The following ATP2B4 variants were observed in gnomAD, a reference collection of about 807,000 sequenced individuals.
The protein encoded by ATP2B4 is ATPase plasma membrane Ca2+ transporting 4, also known as plasma membrane calcium-transporting ATPase 4.
A neutral mutation model predicts 110.3 loss-of-function variants in ATP2B4; 39 were observed. The ratio of observed to expected loss-of-function variants is 0.35; its 90% CI spans 0.27 to 0.46. The LOEUF (loss-of-function observed/expected upper bound fraction) is 0.46, where lower values mean the gene tolerates loss of function less well. ATP2B4 is among the 20% of genes least tolerant of loss of function. The probability of loss-of-function intolerance (pLI) is 1.00; values close to 1 mark genes in which losing one functional copy is unlikely to be tolerated. For missense variants in ATP2B4, 1,135 were observed against 1,530.9 expected (o/e 0.74, Z 4.32); for synonymous variants, 538 against 571.7 (o/e 0.94, Z 0.84).
Position 203,629,045 on chromosome 1 carries a change from C to CA in ATP2B4, c.-465+1827dup, listed in dbSNP as rs1227403122. ...GGGCTTGGAGGAGTGGTAAAGGCTA[C>CA]AGCTGAGACACTGCGGGAGAAGGAA... On this transcript the variant is annotated intron_variant, in intron 1 of 20. Transcript: ENST00000357681. The surrounding 1 kb of genome is among the most constrained non-coding windows in gnomAD (Gnocchi z 4.6). Among the ~76,000 whole-genome samples the CA allele has an allele frequency of 2.0e-5, 3 of 152,124 alleles. No homozygotes were observed. The highest frequency in any genetic ancestry group is 7.2e-5 in the African/African-American group (3 of 41,426).
chr1:203,673,524 G>A (rs951496704), intron 1 of ATP2B4, among the ~76,000 whole-genome samples: 8 of 152,300 alleles, frequency 5.3e-5, no homozygotes, highest in African/African-American at 1.9e-4. Flanking sequence ...TGGAGCCCTC[G>A]CTGATTTGCC....
intron 15 of ATP2B4, among the ~76,000 whole-genome samples, chr1:203,716,809 G>C (rs150170087): frequency 5.5e-5 from 8 of 145,226 alleles, no homozygotes; most frequent in African/African-American, 2.0e-4. Context: ...CAAGTAGTTG[G>C]TTCTAGAAGT....
rs1012046520 is a variant in ATP2B4, at chr1:203,657,401, T to C, written c.-464-25341T>C. 123 of 753,716 alleles carry C rather than the reference T, an allele frequency of 1.6e-4. No homozygotes were observed. The African/African-American group carries it at 2.0e-3, about 12-fold the overall frequency. 46.7% of individuals were successfully genotyped at this position (753,716 alleles called of 1,614,324 possible). A position where few individuals can be genotyped will look rare whatever the true frequency, so the allele number is the denominator to read the frequency against. ...CTTTAGTCAGAGGGACTTCCCGTTT[T>C]CCCACCTTCTCTTTTCATTTCTGTT... On this transcript the variant is annotated intron_variant, in intron 1 of 20. Transcript: ENST00000357681.
At position 203,695,146 on chromosome 1, in the gene ATP2B4, G is replaced by C. The variant is rs143289504; in HGVS notation, c.194-3011G>C. Among the ~76,000 whole-genome samples, 14 of 152,224 alleles carry C rather than the reference G, an allele frequency of 9.2e-5. No homozygotes were observed. The East Asian group carries it at 1.2e-3, about 13-fold the overall frequency. Reference sequence around the variant, plus strand: ...ACTAAACCTTGGTAAGAAGGAAAGGGCATCTACTCCCTTTACATTGTGAAT... The same window carrying C: ...ACTAAACCTTGGTAAGAAGGAAAGGCCATCTACTCCCTTTACATTGTGAAT... On this transcript the variant is annotated intron_variant, in intron 2 of 20. Coordinates refer to ENST00000357681, the MANE Select transcript of ATP2B4 (RefSeq NM_001684.5).
chr1:203,658,300 G>T (rs1490480652), intron 1 of ATP2B4, among the ~76,000 whole-genome samples: 2 of 151,330 alleles, frequency 1.3e-5, no homozygotes, highest in Non-Finnish European at 2.9e-5. Context: ...AAGATGAAAG[G>T]ATCTTTTGAG....
chr1:203,644,438 G>A (rs1379773010), intron 1 of ATP2B4, among the ~76,000 whole-genome samples: 1 of 152,244 alleles, frequency 6.6e-6, no homozygotes, highest in South Asian at 2.1e-4. Flanking sequence ...AGGCAGGGTG[G>A]TCTAGAGAAG....
At chr1:203,711,841 C>A in intron 12 of ATP2B4, 119 bp from the exon 13 acceptor site, 1 of 1,139,250 alleles carries the variant, frequency 8.8e-7, no homozygotes, top group Non-Finnish European at 1.3e-6. Context: ...GCCCATGCTG[C>A]ATGGCACCAC....
In ATP2B4 at chr1:203,709,435, G is replaced by A; in HGVS notation, c.1692G>A (p.Lys564=). ...AAGTGCCCGAGGAGAAGCTCTACAA[G>A]GTGTACACCTTTAACTCAGTGCGCA... The part of the protein sequence containing the change: ...RNEVPEEKLY[K]VYTFNSVRKS... The change falls in exon 11 of 21, where the codon AAG becomes AAA. Residue 564 remains lysine (K), a synonymous_variant. Coordinates refer to ENST00000357681, the MANE Select transcript of ATP2B4 (RefSeq NM_001684.5). The A allele has an allele frequency of 6.2e-7, 1 of 1,614,196 alleles. No homozygotes were observed. The highest frequency in any genetic ancestry group is 8.5e-7 in the Non-Finnish European group (1 of 1,180,030).
intron 8 of ATP2B4, 37 bp downstream of exon 8, chr1:203,703,850 T>C: frequency 6.2e-7 from 1 of 1,601,962 alleles, no homozygotes; most frequent in Non-Finnish European, 8.5e-7. Context: ...TTTATCAATG[T>C]TGTCTTGGAT....
rs1665867467 is a variant in ATP2B4, at chr1:203,707,014, C to T, written c.1105C>T (p.Leu369Phe). The T allele has an allele frequency of 6.2e-7, 1 of 1,613,614 alleles. No homozygotes were observed. The highest frequency in any genetic ancestry group is 1.1e-5 in the South Asian group (1 of 90,938). ...TGACTTGTTTCTCTGGACAGGTCTG[C>T]TCATGTCTGCTCTCACGGTTTTCAT... Reference protein sequence around the residue: ...LAVQIGKAGLLMSALTVFILI... With the variant: ...LAVQIGKAGLFMSALTVFILI... Residue 369 changes from leucine (L) to phenylalanine (F), a missense_variant, in exon 9 of 21, where the codon CTC becomes TTC. Leu to Phe is a conservative substitution (Grantham distance 22). Around this residue, in one of 9 missense-constraint regions of ATP2B4, gnomAD observed 162 missense variants for 210.5 expected, o/e 0.77. Transcript: ENST00000357681.
chr1:203,729,631 CTGCCAGAGAAACA>C, intron 20 of ATP2B4: 1 of 938,034 alleles, frequency 1.1e-6, no homozygotes, highest in Non-Finnish European at 1.6e-6. Context: ...CTTTTTCTGT[CTGCCAGAGAAACA>C]TTCCAGGGTG....
chr1:203,739,100 C>T (rs1666942284), intron 20 of ATP2B4, among the ~76,000 whole-genome samples: 1 of 152,150 alleles, frequency 6.6e-6, no homozygotes, highest in African/African-American at 2.4e-5. Context: ...TTTTTCCATT[C>T]CACATTCACA....
At chr1:203,639,893 C>T (rs1236962170) in intron 1 of ATP2B4, among the ~76,000 whole-genome samples, 1 of 152,192 alleles carries the variant, frequency 6.6e-6, no homozygotes, top group East Asian at 1.9e-4. Flanking sequence ...CCAGTTCCTC[C>T]TCCAGTCTTT....
rs975041778 is a variant in ATP2B4 at position 203,698,229 on chromosome 1, A to T, written c.266A>T (p.Lys89Met). The T allele has an allele frequency of 6.2e-7, 1 of 1,614,096 alleles. No individual in the cohort carries two copies. Among genetic ancestry groups the T allele is most frequent in the African/African-American group, 1.3e-5 (1 of 74,932 alleles). The change falls in exon 3 of 21, where the codon AAG becomes ATG. Residue 89 changes from lysine to methionine, a missense_variant. Transcript: ENST00000357681. ...VFGHNVIPPK[K>M]PKTFLELVWE... is the part of the protein sequence containing the mutation. ...GGACACAACGTGATCCCCCCCAAAAAGCCCAAGACTTTCTTAGAATTAGTG... is the reference window on the plus strand; with the variant it reads ...GGACACAACGTGATCCCCCCCAAAATGCCCAAGACTTTCTTAGAATTAGTG...
chr1:203,696,119 G>T (rs1665525946), intron 2 of ATP2B4, among the ~76,000 whole-genome samples: 1 of 151,880 alleles, frequency 6.6e-6, no homozygotes, highest in South Asian at 2.1e-4. Context: ...TAGAGATGAG[G>T]TTTCACCGTG....
Position 203,629,160 on chromosome 1 carries a change from G to T in ATP2B4, c.-465+1941G>T, listed in dbSNP as rs1205125770. Among the ~76,000 whole-genome samples the T allele has an allele frequency of 6.6e-6, 1 of 152,176 alleles. No homozygotes were observed. The highest frequency in any genetic ancestry group is 1.9e-4 in the East Asian group (1 of 5,188). On this transcript the variant is annotated intron_variant, in intron 1 of 20. Transcript: ENST00000357681. The surrounding 1 kb of genome is among the most constrained non-coding windows in gnomAD (Gnocchi z 4.6). ...CTTTGAGGTGTTGATTGATCTGACT[G>T]CACCCCTCGGCTAGACAGCTCTTCC...
At chr1:203,733,388 C>T in intron 20 of ATP2B4, 1 of 1,613,688 alleles carries the variant, frequency 6.2e-7, no homozygotes, top group Non-Finnish European at 8.5e-7. Flanking sequence ...TGTTTCATCT[C>T]CTCCTATGGG....
intron 1 of ATP2B4, among the ~76,000 whole-genome samples, chr1:203,674,232 A>G (rs1453635993): frequency 6.6e-6 from 1 of 152,148 alleles, no homozygotes; most frequent in African/African-American, 2.4e-5. Flanking sequence ...TCCAGATGGC[A>G]TTGTCACTTC....
intron 1 of ATP2B4, among the ~76,000 whole-genome samples, chr1:203,653,848 C>T (rs371167528): frequency 7.9e-5 from 12 of 151,476 alleles, no homozygotes; most frequent in South Asian, 2.1e-4. Context: ...TGAGCCACCA[C>T]GCCAGGCTTC....
Sources: allele counts gnomAD v4.1 joint callset (sites outside exome capture counted in the v4.1 genomes callset), GRCh38; gene constraint gnomAD v4.1.1; regional missense constraint gnomAD v4.1.1; non-coding constraint Gnocchi (gnomAD v3.1); transcripts MANE v1.5; gene names NCBI Gene and HGNC (gene_info 2026-07-23, HGNC 2026-07-21).